RIMS2: variants seen among roughly 807,000 people sequenced by gnomAD.
RIMS2 encodes the protein regulating synaptic membrane exocytosis protein 2.
In RIMS2, 59 loss-of-function variants were observed where a neutral mutation model predicts 174.4. The ratio of observed to expected loss-of-function variants is 0.34; its 90% CI spans 0.27 to 0.42. The LOEUF is 0.42. Among genes scored for constraint, RIMS2 ranks in the 10% least tolerant of loss-of-function variants. The probability of loss-of-function intolerance (pLI) is 1.00; values close to 1 mark genes in which losing one functional copy is unlikely to be tolerated. For synonymous variants in RIMS2, 606 were observed against 572.5 expected (o/e 1.06, Z -0.84); for missense variants, 1,620 against 1,666.3 (o/e 0.97, Z 0.48).
intron 10 of RIMS2, among the ~76,000 whole-genome samples, chr8:103,926,838 T>C (rs190249218): frequency 2.6e-4 from 39 of 151,652 alleles, no homozygotes; most frequent in Admixed American, 2.6e-3. Context: ...TTGTGATGTC[T>C]TTTGGAAACT....
intron 1 of RIMS2, among the ~76,000 whole-genome samples, chr8:103,661,474 A>G (rs574952822): frequency 6.6e-6 from 1 of 151,866 alleles, no homozygotes; most frequent in Admixed American, 6.6e-5. Context: ...CTAATTTCCC[A>G]TTTAGTTATT....
chr8:104,009,018 C>T (rs984021083), intron 17 of RIMS2, among the ~76,000 whole-genome samples: 18 of 151,922 alleles, frequency 1.2e-4, no homozygotes, highest in East Asian at 3.9e-4. Flanking sequence ...ACATTAGAAA[C>T]GATGCTAAAA....
intron 19 of RIMS2, among the ~76,000 whole-genome samples, chr8:104,218,216 G>A (rs1399550319): frequency 1.3e-5 from 2 of 152,194 alleles, no homozygotes; most frequent in African/African-American, 4.8e-5. Context: ...TGAGTTGACT[G>A]GAAAACACTT....
intron 17 of RIMS2, among the ~76,000 whole-genome samples, chr8:103,998,980 A>ATC (rs1348078662): frequency 6.6e-6 from 1 of 151,776 alleles, no homozygotes; most frequent in African/African-American, 2.4e-5. Context: ...GAGAGAGAAG[A>ATC]TCTCTAAAAT....
At position 103,984,748 on chromosome 8, in the gene RIMS2, G is replaced by A. The variant is rs180700670; in HGVS notation, c.2928-4557G>A. 1.3e-3 allele frequency among the ~76,000 whole-genome samples: 191 copies of A among 152,322 alleles called. 1 individual carries two copies. The highest frequency in any genetic ancestry group is 3.4e-3 in the Middle Eastern group (1 of 294). ...GGTATATCAAAGGCATATTTGCCCT[G>A]TCATATTTGTTGCAGTACTGTTCAC... On this transcript the variant is annotated intron_variant, in intron 16 of 23. Transcript: ENST00000504942.
chr8:103,605,727 G>A (rs1478374503), intron 1 of RIMS2, among the ~76,000 whole-genome samples: 1 of 152,086 alleles, frequency 6.6e-6, no homozygotes, highest in Non-Finnish European at 1.5e-5. Flanking sequence ...GTTTAGTCTT[G>A]GGAGAGTGTA....
intron 3 of RIMS2, among the ~76,000 whole-genome samples, chr8:103,798,131 G>A (rs2098566296): frequency 6.6e-6 from 1 of 152,000 alleles, no homozygotes; most frequent in Non-Finnish European, 1.5e-5. Flanking sequence ...TTTATATGGA[G>A]AAATACAAAG....
chr8:103,619,485 C>T (rs1420868131), intron 1 of RIMS2, among the ~76,000 whole-genome samples: 1 of 151,738 alleles, frequency 6.6e-6, no homozygotes, highest in Non-Finnish European at 1.5e-5. Context: ...ATATTTGCAT[C>T]TGAATTAAGG....
At chr8:103,798,711 C>T (rs2098577280) in intron 3 of RIMS2, among the ~76,000 whole-genome samples, 1 of 152,016 alleles carries the variant, frequency 6.6e-6, no homozygotes, top group Non-Finnish European at 1.5e-5. Context: ...TTTGTTGTTC[C>T]AGACTGCTGC....
chr8:103,876,197 T>G (rs2099135784), intron 3 of RIMS2, among the ~76,000 whole-genome samples: 1 of 151,788 alleles, frequency 6.6e-6, no homozygotes, highest in African/African-American at 2.4e-5. Flanking sequence ...TCCGGAAGAG[T>G]TTTTCCTAAG....
downstream of RIMS2, chr8:104,252,805 A>T (rs915832325): frequency 4.6e-5 from 7 of 152,178 alleles, no homozygotes; most frequent in African/African-American, 1.7e-4. Flanking sequence ...GAAGTTCAAT[A>T]TGTGCAAATT....
chr8:104,161,655 A>G (rs924125549), intron 19 of RIMS2, among the ~76,000 whole-genome samples: 14 of 152,328 alleles, frequency 9.2e-5, no homozygotes, highest in African/African-American at 3.4e-4. Flanking sequence ...ACCCATTATC[A>G]TTAGCTTAGC....
chr8:104,209,662 T>G (rs968580557), intron 19 of RIMS2, among the ~76,000 whole-genome samples: 1 of 152,212 alleles, frequency 6.6e-6, no homozygotes, highest in Admixed American at 6.5e-5. Flanking sequence ...GATCTTTGTT[T>G]TGTATACTAA....
At chr8:103,744,171 G>C (rs2097786015) in intron 2 of RIMS2, among the ~76,000 whole-genome samples, 1 of 152,096 alleles carries the variant, frequency 6.6e-6, no homozygotes, top group African/African-American at 2.4e-5. Context: ...TCAGCCTCCT[G>C]AGTAGCTGGG....
intron 19 of RIMS2, among the ~76,000 whole-genome samples, chr8:104,027,503 A>G (rs1205178955): frequency 6.6e-6 from 1 of 152,140 alleles, no homozygotes; most frequent in Non-Finnish European, 1.5e-5. Flanking sequence ...ATCATTGTTG[A>G]CTTCCTAAAT....
intron 3 of RIMS2, among the ~76,000 whole-genome samples, chr8:103,876,865 TATATATATATATATA>T (rs1424764579): frequency 5.1e-5 from 1 of 19,536 alleles, no homozygotes; most frequent in Non-Finnish European, 1.5e-4. Flanking sequence ...CACACTATTT[TATATATATATATATA>T]TATATATATA....
chr8:104,223,318 C>G, intron 19 of RIMS2: 1 of 1,016,424 alleles, frequency 9.8e-7, no homozygotes, highest in Non-Finnish European at 1.2e-6. Context: ...TCTCCCTGCG[C>G]GGGGAGGGCA....
chr8:103,707,041 C>T (rs373310277), intron 2 of RIMS2, among the ~76,000 whole-genome samples: 1 of 152,228 alleles, frequency 6.6e-6, no homozygotes, highest in African/African-American at 2.4e-5. Flanking sequence ...ACTGATTCTT[C>T]TCCTTCATCA....
chr8:103,605,594 C>A (rs552860648), intron 1 of RIMS2, among the ~76,000 whole-genome samples: 2 of 151,808 alleles, frequency 1.3e-5, no homozygotes, highest in East Asian at 1.9e-4. Context: ...CCTCCTTGTA[C>A]CTCTGGTAGA....
Sources: gnomAD v4.1 joint callset for allele counts (sites outside exome capture counted in the v4.1 genomes callset) on GRCh38, gnomAD v4.1.1 for gene constraint, MANE v1.5 for transcripts, NCBI Gene and HGNC (gene_info 2026-07-23, HGNC 2026-07-21) for gene names.